The following DNER variants were observed in gnomAD, a reference collection of about 807,000 sequenced individuals.
DNER encodes delta and Notch-like epidermal growth factor-related receptor.
DNER carries 33 observed loss-of-function variants against 78.2 expected under a neutral mutation model. The observed-to-expected ratio is 0.42, with a 90% CI of 0.32 to 0.56. DNER has a LOEUF of 0.56. DNER is among the 20% of genes least tolerant of loss of function. The pLI is 0.11. For synonymous variants in DNER, 417 were observed against 384.8 expected (o/e 1.08, Z -0.98); for missense variants, 918 against 975.3 (o/e 0.94, Z 0.78).
Position 229,687,754 on chromosome 2 carries a change from T to A in DNER, c.276+26394A>T, listed in dbSNP as rs554643513. ...TTTTAATGAAATTTGACACTACTTA[T>A]CTGTCACAACATTTTAATATCTGTA... On this transcript the variant is annotated intron_variant, in intron 1 of 12. Coordinates refer to ENST00000341772, the MANE Select transcript of DNER (RefSeq NM_139072.4). Among the ~76,000 whole-genome samples the A allele has an allele frequency of 3.3e-5, 5 of 152,350 alleles. No individual in the cohort carries two copies. In the South Asian group the frequency reaches 1.0e-3, roughly 32 times the overall value.
intron 6 of DNER, among the ~76,000 whole-genome samples, chr2:229,497,817 T>TA (rs905607611): frequency 1.3e-5 from 2 of 151,940 alleles, no homozygotes; most frequent in East Asian, 1.9e-4. Flanking sequence ...GAGCCAGTAA[T>TA]AAAAAAGTCT....
At chr2:229,380,103 G>T (rs1298460130) in intron 11 of DNER, among the ~76,000 whole-genome samples, 1 of 152,158 alleles carries the variant, frequency 6.6e-6, no homozygotes, top group East Asian at 1.9e-4. Flanking sequence ...CTCTTATCAA[G>T]TTGATCAAAT....
intron 12 of DNER, among the ~76,000 whole-genome samples, chr2:229,364,770 G>A (rs1037244108): frequency 2.7e-5 from 4 of 150,468 alleles, no homozygotes; most frequent in African/African-American, 9.8e-5. Flanking sequence ...TTTGGAGAAA[G>A]CAAACTCTTC....
chr2:229,415,947 A>G (rs1217500849), intron 9 of DNER, among the ~76,000 whole-genome samples: 1 of 152,186 alleles, frequency 6.6e-6, no homozygotes, highest in Non-Finnish European at 1.5e-5. Flanking sequence ...TGCAGTTACA[A>G]ATTTTACCAG....
intron 1 of DNER, among the ~76,000 whole-genome samples, chr2:229,712,749 A>G (rs2154217950): frequency 6.6e-6 from 1 of 152,278 alleles, no homozygotes; most frequent in African/African-American, 2.4e-5. Context: ...CATGTCCCAA[A>G]TCTACTCCTG....
chr2:229,461,585 G>A (rs1332035712), intron 7 of DNER, among the ~76,000 whole-genome samples: 2 of 151,906 alleles, frequency 1.3e-5, no homozygotes, highest in African/African-American at 2.4e-5. Flanking sequence ...CTGCTACGTA[G>A]AATGATGTCA....
chr2:229,434,561 T>C (rs529516664), intron 8 of DNER, among the ~76,000 whole-genome samples: 4 of 152,306 alleles, frequency 2.6e-5, no homozygotes, highest in Admixed American at 2.6e-4. Context: ...CTTCCAACTT[T>C]CTTTATTAAA....
At chr2:229,452,190 C>T (rs1694471788) in intron 7 of DNER, among the ~76,000 whole-genome samples, 1 of 151,976 alleles carries the variant, frequency 6.6e-6, no homozygotes, top group African/African-American at 2.4e-5. Context: ...AGGTTGAGAC[C>T]GGAAGCATGA....
chr2:229,401,231 A>C (rs1693260086), intron 10 of DNER, among the ~76,000 whole-genome samples: 1 of 152,070 alleles, frequency 6.6e-6, no homozygotes, highest in African/African-American at 2.4e-5. Context: ...TTGGTGGGGA[A>C]TATAAAATGC....
At chr2:229,713,796 G>A (rs911535284) in intron 1 of DNER, among the ~76,000 whole-genome samples, 1 of 152,288 alleles carries the variant, frequency 6.6e-6, no homozygotes, top group African/African-American at 2.4e-5. Flanking sequence ...GCTCCTCCGC[G>A]CTGCCAAGGC....
intron 1 of DNER, among the ~76,000 whole-genome samples, chr2:229,600,811 G>T (rs1697811915): frequency 6.6e-6 from 1 of 152,150 alleles, no homozygotes; most frequent in South Asian, 2.1e-4. Context: ...GCTAAATATA[G>T]AACTAGGTGG....
intron 10 of DNER, among the ~76,000 whole-genome samples, chr2:229,392,481 A>G (rs1693036831): frequency 7.0e-6 from 1 of 143,410 alleles, no homozygotes; most frequent in Non-Finnish European, 1.5e-5. Flanking sequence ...AGGAAAGACC[A>G]CAACACAAGA....
At chr2:229,601,787 G>A (rs1697830520) in intron 1 of DNER, among the ~76,000 whole-genome samples, 2 of 152,078 alleles carry the variant, frequency 1.3e-5, no homozygotes, top group South Asian at 4.1e-4. Flanking sequence ...AAATCTCAAG[G>A]TAATTGCTTT....
chr2:229,633,644 G>C (rs1698477127), intron 1 of DNER, among the ~76,000 whole-genome samples: 1 of 152,216 alleles, frequency 6.6e-6, no homozygotes, highest in Admixed American at 6.5e-5. Flanking sequence ...CAGGCAGGCT[G>C]GAACAGAAAG....
chr2:229,713,890 C>T (rs1177833280), intron 1 of DNER, among the ~76,000 whole-genome samples: 1 of 152,112 alleles, frequency 6.6e-6, no homozygotes, highest in Non-Finnish European at 1.5e-5. Context: ...TAGAGCCCCG[C>T]GCGAGAAGTG....
At chr2:229,401,555 G>A (rs1468807669) in intron 10 of DNER, among the ~76,000 whole-genome samples, 1 of 151,120 alleles carries the variant, frequency 6.6e-6, no homozygotes, top group Middle Eastern at 3.2e-3. Context: ...ATCACGCTGA[G>A]TAGAAAAAAA....
At chr2:229,683,955 C>G (rs1387523737) in intron 1 of DNER, among the ~76,000 whole-genome samples, 1 of 151,958 alleles carries the variant, frequency 6.6e-6, no homozygotes, top group Non-Finnish European at 1.5e-5. Context: ...GTGCAGAGCA[C>G]TGTGTTAGGG....
intron 1 of DNER, among the ~76,000 whole-genome samples, chr2:229,594,965 A>T (rs1697681534): frequency 6.3e-3 from 1 of 160 alleles, no homozygotes; most frequent in Non-Finnish European, 0.023. Flanking sequence ...AAAAAAAAAA[A>T]AAAAAAAAAA....
At chr2:229,478,521 G>A (rs1012639761) in intron 6 of DNER, among the ~76,000 whole-genome samples, 5 of 152,100 alleles carry the variant, frequency 3.3e-5, no homozygotes, top group East Asian at 1.9e-4. Flanking sequence ...TAAGACAAGC[G>A]CATGAACTAA....
Sources: gnomAD v4.1 joint callset for allele counts (sites outside exome capture counted in the v4.1 genomes callset) on GRCh38, gnomAD v4.1.1 for gene constraint, MANE v1.5 for transcripts, NCBI Gene and HGNC (gene_info 2026-07-23, HGNC 2026-07-21) for gene names.